The following SLC35F1 variants were observed in gnomAD, a reference collection of about 807,000 sequenced individuals.
SLC35F1 encodes solute carrier family 35 member F1, also known as chromosome 6 open reading frame 169.
A neutral mutation model predicts 48.7 loss-of-function variants in SLC35F1; 14 were observed. The observed-to-expected ratio is 0.29, with a 90% CI of 0.19 to 0.45. SLC35F1 has a LOEUF of 0.45. Among genes scored for constraint, SLC35F1 ranks in the 20% least tolerant of loss-of-function variants. The pLI is 1.00. For synonymous variants in SLC35F1, 190 were observed against 202.2 expected (o/e 0.94, Z 0.51); for missense variants, 404 against 500.0 (o/e 0.81, Z 1.83).
intron 1 of SLC35F1, among the ~76,000 whole-genome samples, chr6:118,093,129 A>C (rs1773099365): frequency 2.6e-5 from 4 of 152,220 alleles, no homozygotes; most frequent in African/African-American, 9.6e-5. Context: ...CAGCCTGGCC[A>C]ATGTGGTGAA....
intron 1 of SLC35F1, among the ~76,000 whole-genome samples, chr6:118,080,379 G>T (rs1327670774): frequency 1.3e-5 from 2 of 152,170 alleles, no homozygotes; most frequent in African/African-American, 4.8e-5. Context: ...ATGGGTTCTG[G>T]AGAGAGATTT....
intron 1 of SLC35F1, among the ~76,000 whole-genome samples, chr6:118,041,483 T>C (rs561058775): frequency 2.0e-5 from 3 of 152,236 alleles, no homozygotes; most frequent in South Asian, 2.1e-4. Context: ...ATGCCTACTA[T>C]TGTGCCAGAC....
At chr6:118,268,978 A>G (rs1775816896) in intron 4 of SLC35F1, among the ~76,000 whole-genome samples, 1 of 152,178 alleles carries the variant, frequency 6.6e-6, no homozygotes, top group African/African-American at 2.4e-5. Context: ...AAGCAGAAGC[A>G]AGTACCCTTA....
intron 1 of SLC35F1, among the ~76,000 whole-genome samples, chr6:118,132,368 G>C (rs1026583640): frequency 1.2e-4 from 18 of 152,310 alleles, no homozygotes; most frequent in African/African-American, 4.3e-4. Flanking sequence ...GTGTGTGGCT[G>C]CATGGTTTCT....
chr6:118,020,991 A>G (rs1035551826), intron 1 of SLC35F1, among the ~76,000 whole-genome samples: 9 of 152,120 alleles, frequency 5.9e-5, no homozygotes, highest in Non-Finnish European at 1.0e-4. Context: ...GTAAAGTGGG[A>G]AATAAGGAAT....
intron 1 of SLC35F1, among the ~76,000 whole-genome samples, chr6:118,002,908 A>G (rs1422867106): frequency 6.6e-6 from 1 of 152,118 alleles, no homozygotes; most frequent in Non-Finnish European, 1.5e-5. Context: ...GATCAGTTTT[A>G]TATTATTTCA....
intron 1 of SLC35F1, among the ~76,000 whole-genome samples, chr6:118,000,661 C>T (rs1271341931): frequency 6.6e-6 from 1 of 152,188 alleles, no homozygotes; most frequent in African/African-American, 2.4e-5. Context: ...GTCAAATTGT[C>T]CCTGTTTGCA....
chr6:118,243,437 G>T (rs774595742), intron 3 of SLC35F1, among the ~76,000 whole-genome samples: 1 of 152,134 alleles, frequency 6.6e-6, no homozygotes, highest in Non-Finnish European at 1.5e-5. Context: ...AACATAGCAG[G>T]ACCCCAATTC....
chr6:117,911,370 T>G (rs1380860083), intron 1 of SLC35F1, among the ~76,000 whole-genome samples: 1 of 150,604 alleles, frequency 6.6e-6, no homozygotes, highest in Non-Finnish European at 1.5e-5. Context: ...GGCAAAGTCT[T>G]CTTCACATTT....
At chr6:118,258,356 T>C (rs370109343) in intron 3 of SLC35F1, among the ~76,000 whole-genome samples, 27 of 152,264 alleles carry the variant, frequency 1.8e-4, no homozygotes, top group African/African-American at 6.3e-4. Flanking sequence ...TTTACCCAAC[T>C]GATATTTTCC....
chr6:117,969,010 T>G (rs529906840), intron 1 of SLC35F1, among the ~76,000 whole-genome samples: 100 of 152,346 alleles, frequency 6.6e-4, no homozygotes, highest in African/African-American at 1.7e-3. Context: ...ATGGGTAGCT[T>G]ATAGCCTAGA....
intron 1 of SLC35F1, among the ~76,000 whole-genome samples, chr6:118,013,824 A>C (rs1038091990): frequency 7.9e-5 from 12 of 152,300 alleles, no homozygotes; most frequent in Middle Eastern, 3.4e-3. Context: ...GATCAAAGTG[A>C]AATTAATTGA....
chr6:117,939,046 T>C lies in SLC35F1; in HGVS notation c.173+31147T>C, dbSNP rs371273759. Among the ~76,000 whole-genome samples the C allele has an allele frequency of 1.3e-4, 19 of 149,892 alleles. 1 individual carries two copies. In the East Asian group the frequency reaches 2.0e-3, roughly 16 times the overall value. The stretch of plus-strand genomic sequence containing the variant: ...TTTTTCCGGAGACAGCCTCCTGCTA[T>C]GTCACCCAGGCTGGCATGCAGTGGC... On this transcript the variant is annotated intron_variant, in intron 1 of 7. Coordinates refer to ENST00000360388, the MANE Select transcript of SLC35F1 (RefSeq NM_001029858.4).
intron 1 of SLC35F1, among the ~76,000 whole-genome samples, chr6:118,017,409 C>A (rs188127605): frequency 1.3e-5 from 2 of 152,298 alleles, no homozygotes; most frequent in Non-Finnish European, 2.9e-5. Context: ...GACTTATCAG[C>A]AATATTTAGT....
chr6:118,094,271 A>G (rs1182301050), intron 1 of SLC35F1, among the ~76,000 whole-genome samples: 9 of 152,194 alleles, frequency 5.9e-5, no homozygotes, highest in African/African-American at 2.2e-4. Context: ...TCTTCCATTG[A>G]AACATTAGAG....
At chr6:117,935,930 C>T (rs1029526409) in intron 1 of SLC35F1, among the ~76,000 whole-genome samples, 10 of 152,108 alleles carry the variant, frequency 6.6e-5, no homozygotes, top group Non-Finnish European at 8.8e-5. Context: ...TTATGGAGTC[C>T]GCAAACAATG....
intron 1 of SLC35F1, among the ~76,000 whole-genome samples, chr6:117,962,582 T>G (rs1458892187): frequency 6.6e-6 from 1 of 152,066 alleles, no homozygotes; most frequent in Admixed American, 6.6e-5. Flanking sequence ...GCTCTCTTTC[T>G]TGGCAAACAA....
chr6:118,139,489 G>T (rs1582688570), intron 1 of SLC35F1, among the ~76,000 whole-genome samples: 1 of 152,284 alleles, frequency 6.6e-6, no homozygotes, highest in East Asian at 1.9e-4. Context: ...GAGTAGACAT[G>T]CAGAACTGGG....
chr6:118,286,827 T>A (rs1245419845), intron 7 of SLC35F1, among the ~76,000 whole-genome samples: 1 of 149,812 alleles, frequency 6.7e-6, no homozygotes, highest in Non-Finnish European at 1.5e-5. Flanking sequence ...GTGGTGAGAA[T>A]ACTTAAGATC....
Sources: gnomAD v4.1 joint callset for allele counts (sites outside exome capture counted in the v4.1 genomes callset) on GRCh38, gnomAD v4.1.1 for gene constraint, MANE v1.5 for transcripts, NCBI Gene and HGNC (gene_info 2026-07-23, HGNC 2026-07-21) for gene names.